Variants in MAN1A2 observed in about 807,000 individuals in gnomAD.
MAN1A2 encodes the protein mannosyl-oligosaccharide 1,2-alpha-mannosidase IB.
MAN1A2 carries 26 observed loss-of-function variants against 75.7 expected under a neutral mutation model. That is an observed-to-expected ratio of 0.34 (90% CI 0.25 to 0.48). MAN1A2 has a LOEUF of 0.48. Among genes scored for constraint, MAN1A2 ranks in the 20% least tolerant of loss-of-function variants. MAN1A2 has a pLI of 0.99. For synonymous variants in MAN1A2, 247 were observed against 264.6 expected (o/e 0.93, Z 0.65); for missense variants, 562 against 775.5 (o/e 0.72, Z 3.27).
intron 12 of MAN1A2, among the ~76,000 whole-genome samples, chr1:117,518,483 G>A (rs1364240896): frequency 2.0e-5 from 3 of 151,736 alleles, no homozygotes; most frequent in Admixed American, 1.3e-4. Flanking sequence ...AAAAATATTA[G>A]CGAAAGAAAG....
chr1:117,442,128 C>T (rs1649057060), intron 5 of MAN1A2, 103 bp from the exon 6 acceptor site: 39 of 712,422 alleles, frequency 5.5e-5, no homozygotes, highest in Admixed American at 2.3e-4. Flanking sequence ...CCTGTGCTCC[C>T]GTGTACCCAG....
intron 6 of MAN1A2, among the ~76,000 whole-genome samples, chr1:117,453,487 A>G (rs1472988156): frequency 2.0e-5 from 3 of 152,154 alleles, no homozygotes; most frequent in African/African-American, 7.2e-5. Flanking sequence ...ACTCAAGTGG[A>G]GGAAGTAACT....
rs1266257227 is a variant in MAN1A2, at chr1:117,402,231, G to A, written c.348G>A (p.Glu116=). The change falls in exon 2 of 13, where the codon GAG becomes GAA. Residue 116 remains glutamate, a synonymous_variant. Transcript: ENST00000356554. ...RLRNKIRADH[E]KALEEAKEKL... Reference sequence around the variant, plus strand: ...GAAATAAAATTCGAGCTGATCATGAGAAGGCCTTGGAAGAAGCAAAAGAAA... The same window carrying A: ...GAAATAAAATTCGAGCTGATCATGAAAAGGCCTTGGAAGAAGCAAAAGAAA... 1.2e-6 allele frequency: 2 copies of A among 1,613,284 alleles called. No homozygotes were observed. The highest frequency in any genetic ancestry group is 2.7e-5 in the African/African-American group (2 of 74,802).
chr1:117,454,200 A>G (rs1031711287), intron 6 of MAN1A2, among the ~76,000 whole-genome samples: 3 of 152,206 alleles, frequency 2.0e-5, no homozygotes, highest in African/African-American at 7.2e-5. Context: ...GTCTGTAACC[A>G]GGCCCATAAT....
intron 8 of MAN1A2, among the ~76,000 whole-genome samples, chr1:117,485,260 G>C (rs940202016): frequency 1.3e-5 from 2 of 151,944 alleles, no homozygotes; most frequent in African/African-American, 4.8e-5. Context: ...AGCATGTATA[G>C]TATTAACTAA....
chr1:117,515,526 TA>T (rs1204462612), intron 12 of MAN1A2: 3 of 151,858 alleles, frequency 2.0e-5, no homozygotes, highest in Non-Finnish European at 4.4e-5. Flanking sequence ...ATAGGTGGGG[TA>T]AAACAGAAAG....
chr1:117,379,991 CT>C (rs1487072208), intron 1 of MAN1A2, among the ~76,000 whole-genome samples: 4 of 152,026 alleles, frequency 2.6e-5, no homozygotes, highest in Non-Finnish European at 5.9e-5. Context: ...TTTCAGTTCT[CT>C]TGGTTATATA....
At chr1:117,433,793 G>A (rs1648759295) in intron 5 of MAN1A2, among the ~76,000 whole-genome samples, 1 of 152,098 alleles carries the variant, frequency 6.6e-6, no homozygotes, top group African/African-American at 2.4e-5. Context: ...AAAAATTTTT[G>A]GAAATGAGAT....
intron 9 of MAN1A2, chr1:117,494,464 T>A (rs1650979166): frequency 6.6e-6 from 1 of 152,124 alleles, no homozygotes; most frequent in African/African-American, 2.4e-5. Context: ...GTCAGAGTTA[T>A]AATTTCTGTT....
At chr1:117,415,355 T>C (rs568275956) in intron 4 of MAN1A2, among the ~76,000 whole-genome samples, 1 of 152,312 alleles carries the variant, frequency 6.6e-6, no homozygotes, top group East Asian at 1.9e-4. Flanking sequence ...GTGGACTGTT[T>C]TGTCATATTC....
intron 5 of MAN1A2, among the ~76,000 whole-genome samples, chr1:117,438,580 G>GAATT (rs1648925481): frequency 6.6e-6 from 1 of 152,152 alleles, no homozygotes; most frequent in South Asian, 2.1e-4. Flanking sequence ...ACTCGCCAGA[G>GAATT]AATTTTCAGT....
intron 8 of MAN1A2, among the ~76,000 whole-genome samples, chr1:117,492,217 A>T (rs1266332104): frequency 6.6e-6 from 1 of 152,070 alleles, no homozygotes; most frequent in Non-Finnish European, 1.5e-5. Flanking sequence ...AACAGGAAGA[A>T]TCAATCAATA....
intron 11 of MAN1A2, among the ~76,000 whole-genome samples, chr1:117,502,543 T>C (rs903943225): frequency 9.2e-5 from 14 of 151,684 alleles, no homozygotes; most frequent in African/African-American, 3.4e-4. Flanking sequence ...TAATGGACCT[T>C]TATTTTGCCA....
chr1:117,523,083 C>T lies in MAN1A2; in HGVS notation c.*126C>T. The T allele has an allele frequency of 4.0e-6, 4 of 990,648 alleles. No individual in the cohort carries two copies. The highest frequency in any genetic ancestry group is 6.3e-6 in the Non-Finnish European group (4 of 639,220). 61.4% of individuals were successfully genotyped at this position (990,648 alleles called of 1,614,324 possible). On this transcript the variant is annotated 3_prime_UTR_variant, in exon 13 of 13. Coordinates refer to ENST00000356554, the MANE Select transcript of MAN1A2 (RefSeq NM_006699.5). ...TCAACATGACAGGGTGAAACTATTC[C>T]CCCTAAGACTGTTCAACTTGTAGAT... is the stretch of plus-strand genomic sequence containing the variant.
At chr1:117,386,990 A>G (rs1653549153) in intron 1 of MAN1A2, among the ~76,000 whole-genome samples, 1 of 152,066 alleles carries the variant, frequency 6.6e-6, no homozygotes, top group Non-Finnish European at 1.5e-5. Context: ...CATGTATCTG[A>G]TAAGGCATTA....
chr1:117,468,239 T>G (rs189307124), intron 8 of MAN1A2, among the ~76,000 whole-genome samples: 44 of 152,200 alleles, frequency 2.9e-4, no homozygotes, highest in African/African-American at 1.0e-3. Context: ...GAAAAGCCCC[T>G]TATAAAACCA....
chr1:117,420,687 G>A, intron 5 of MAN1A2, 38 bp downstream of exon 5: 1 of 1,414,572 alleles, frequency 7.1e-7, no homozygotes, highest in Non-Finnish European at 1.0e-6. Context: ...TGTTTTGGAG[G>A]GGAGGGTTGG....
intron 8 of MAN1A2, among the ~76,000 whole-genome samples, chr1:117,472,623 C>G (rs1262052986): frequency 6.6e-6 from 1 of 151,912 alleles, no homozygotes; most frequent in African/African-American, 2.4e-5. Flanking sequence ...ACAATACATT[C>G]TTTTGCTTTT....
chr1:117,430,627 ACG>A (rs1648602118), intron 5 of MAN1A2, among the ~76,000 whole-genome samples: 2 of 63,494 alleles, frequency 3.1e-5, no homozygotes, highest in African/African-American at 1.4e-4. Context: ...CCGGGCAGAG[ACG>A]CTCCTCACTT....
Sources: allele counts gnomAD v4.1 joint callset (sites outside exome capture counted in the v4.1 genomes callset), GRCh38; gene constraint gnomAD v4.1.1; transcripts MANE v1.5; gene names NCBI Gene and HGNC (gene_info 2026-07-23, HGNC 2026-07-21).